Variants in FNIP2 observed in about 807,000 individuals in gnomAD.
FNIP2 encodes folliculin interacting protein 2.
In FNIP2, 32 loss-of-function variants were observed where a neutral mutation model predicts 108.7. That is an observed-to-expected ratio of 0.29 (90% CI 0.22 to 0.40). The LOEUF is 0.40. Ranked by LOEUF, FNIP2 falls within the 10% of genes least tolerant of loss-of-function variation. The pLI is 1.00. For synonymous variants in FNIP2, 480 were observed against 496.7 expected (o/e 0.97, Z 0.45); for missense variants, 1,202 against 1,381.6 (o/e 0.87, Z 2.06).
intron 7 of FNIP2, among the ~76,000 whole-genome samples, chr4:158,839,132 C>T (rs1292904613): frequency 2.0e-5 from 3 of 152,074 alleles, no homozygotes; most frequent in African/African-American, 7.2e-5. Context: ...TCCTCCTGTC[C>T]AGGCTGTGTA....
chr4:158,788,470 TTTTC>T, intron 1 of FNIP2, among the ~76,000 whole-genome samples: 1 of 152,376 alleles, frequency 6.6e-6, no homozygotes, highest in African/African-American at 2.4e-5. Flanking sequence ...TAACCTCCAC[TTTTC>T]TTTCTTTTTG....
At position 158,861,450 on chromosome 4, in the gene FNIP2, G is replaced by T; in HGVS notation, c.1257G>T (p.Lys419Asn). 1 of 1,614,010 alleles carries T rather than the reference G, an allele frequency of 6.2e-7. No individual in the cohort carries two copies. Among genetic ancestry groups the T allele is most frequent in the Non-Finnish European group, 8.5e-7 (1 of 1,179,896 alleles). Residue 419 changes from lysine (K) to asparagine (N), a missense_variant, in exon 11 of 17, where the codon AAG (lysine) becomes AAT (asparagine). Physicochemically the swap from Lys to Asn is moderately conservative, Grantham distance 94 (BLOSUM62 0). This residue lies in a region of FNIP2 where 878 missense variants were observed against 990.3 expected (regional missense o/e 0.89). Transcript: ENST00000264433. ...EKNQLCQRFL[K>N]EFTLLIEQIN... ...ACCAGCTCTGCCAGCGCTTTCTCAAGGAGTTTACACTTCTGATAGAACAGA... is the reference window on the plus strand; with the variant it reads ...ACCAGCTCTGCCAGCGCTTTCTCAATGAGTTTACACTTCTGATAGAACAGA...
chr4:158,769,877 A>C (rs960538943), intron 1 of FNIP2, among the ~76,000 whole-genome samples: 1 of 152,208 alleles, frequency 6.6e-6, no homozygotes, highest in Non-Finnish European at 1.5e-5. Context: ...ATGTGTGGAA[A>C]GGGGGAGTAA....
chr4:158,798,386 A>G (rs907572901), intron 1 of FNIP2, among the ~76,000 whole-genome samples: 4 of 152,154 alleles, frequency 2.6e-5, no homozygotes, highest in Non-Finnish European at 5.9e-5. Context: ...TTCTTAATCC[A>G]AGTCTTTACT....
intron 14 of FNIP2, among the ~76,000 whole-genome samples, chr4:158,886,727 T>G (rs1399219632): frequency 1.3e-5 from 2 of 152,216 alleles, no homozygotes; most frequent in African/African-American, 4.8e-5. Flanking sequence ...GTTTGTAAAG[T>G]TTCTCAAACA....
intron 1 of FNIP2, among the ~76,000 whole-genome samples, chr4:158,822,605 C>T (rs1053148548): frequency 1.3e-5 from 2 of 151,992 alleles, no homozygotes; most frequent in African/African-American, 4.8e-5. Context: ...TCAAGTGATC[C>T]TCCCACTTCA....
At chr4:158,775,137 T>C (rs1225183772) in intron 1 of FNIP2, among the ~76,000 whole-genome samples, 1 of 152,216 alleles carries the variant, frequency 6.6e-6, no homozygotes, top group African/African-American at 2.4e-5. Flanking sequence ...TGAAATACTT[T>C]GGCTGCCAGC....
chr4:158,881,960 A>C (rs1384921309), intron 14 of FNIP2, among the ~76,000 whole-genome samples: 2 of 150,432 alleles, frequency 1.3e-5, no homozygotes. Flanking sequence ...CAGTCTGGGA[A>C]GTGAGGAGCG....
At chr4:158,804,356 A>G (rs1776864580) in intron 1 of FNIP2, among the ~76,000 whole-genome samples, 1 of 152,130 alleles carries the variant, frequency 6.6e-6, no homozygotes, top group Non-Finnish European at 1.5e-5. Context: ...GTCAAGACCC[A>G]GACTAATATG....
chr4:158,883,503 A>C (rs1455951143), intron 14 of FNIP2, among the ~76,000 whole-genome samples: 3 of 152,140 alleles, frequency 2.0e-5, no homozygotes, highest in Non-Finnish European at 2.9e-5. Flanking sequence ...AGCCTCCCAA[A>C]AGCCTGGGAT....
chr4:158,805,886 T>G (rs935954145), intron 1 of FNIP2, among the ~76,000 whole-genome samples: 5 of 152,226 alleles, frequency 3.3e-5, no homozygotes, highest in Non-Finnish European at 4.4e-5. Context: ...TAAATGTCTT[T>G]TCTTTGCTAA....
At chr4:158,848,641 G>A (rs1432768653) in intron 7 of FNIP2, among the ~76,000 whole-genome samples, 1 of 152,084 alleles carries the variant, frequency 6.6e-6, no homozygotes, top group Non-Finnish European at 1.5e-5. Flanking sequence ...CAGCACCAGG[G>A]GCCAGTCCTG....
intron 1 of FNIP2, among the ~76,000 whole-genome samples, chr4:158,792,969 G>A (rs959733313): frequency 2.0e-5 from 3 of 152,120 alleles, no homozygotes; most frequent in African/African-American, 7.2e-5. Flanking sequence ...AGTTATCAAG[G>A]GACTGGAAGA....
chr4:158,907,268 T>TATCA lies in FNIP2; in HGVS notation c.*2729_*2732dup, dbSNP rs3830199. The TATCA allele has an allele frequency of 6.6e-5, 10 of 152,272 alleles. No homozygotes were observed. Among genetic ancestry groups the TATCA allele is most frequent in the Admixed American group, 1.3e-4 (2 of 15,292 alleles). 9.4% of individuals were successfully genotyped at this position (152,272 alleles called of 1,614,324 possible). A position where few individuals can be genotyped will look rare whatever the true frequency, so the allele number is the denominator to read the frequency against. ...CATAATTCCAAAGTATTTTATTTTT[T>TATCA]ATCAATCAGTGTTAAATAGCTTTTT... is the stretch of plus-strand genomic sequence containing the variant. On this transcript the variant is annotated 3_prime_UTR_variant, in exon 17 of 17. Coordinates refer to ENST00000264433, the MANE Select transcript of FNIP2 (RefSeq NM_020840.3).
At chr4:158,834,314 CTCTCTCTCTCTCTCT>C (rs1264646999) in intron 6 of FNIP2, 1 of 149,304 alleles carries the variant, frequency 6.7e-6, no homozygotes, top group African/African-American at 2.5e-5. Flanking sequence ...CTCTCTCTCT[CTCTCTCTCTCTCTCT>C]CCCTCTCTAA....
chr4:158,799,554 G>A (rs1365457227), intron 1 of FNIP2, among the ~76,000 whole-genome samples: 1 of 152,176 alleles, frequency 6.6e-6, no homozygotes. Context: ...GAGAATGAGA[G>A]ATCTGTGAAT....
At chr4:158,807,106 C>T (rs984106423) in intron 1 of FNIP2, among the ~76,000 whole-genome samples, 3 of 151,972 alleles carry the variant, frequency 2.0e-5, no homozygotes, top group African/African-American at 7.3e-5. Flanking sequence ...TCAATAAAAA[C>T]AAAAAACTGT....
At chr4:158,881,614 C>T (rs910058531) in intron 14 of FNIP2, among the ~76,000 whole-genome samples, 1 of 152,232 alleles carries the variant, frequency 6.6e-6, no homozygotes, top group African/African-American at 2.4e-5. Flanking sequence ...CCACGCCTGA[C>T]TGGTTTTCGT....
chr4:158,803,574 T>G (rs1776834105), intron 1 of FNIP2, among the ~76,000 whole-genome samples: 1 of 152,224 alleles, frequency 6.6e-6, no homozygotes, highest in Non-Finnish European at 1.5e-5. Context: ...CATAAGGAAA[T>G]TTGAAGTCAT....
Sources: gnomAD v4.1 joint callset for allele counts (sites outside exome capture counted in the v4.1 genomes callset) on GRCh38, gnomAD v4.1.1 for gene constraint, gnomAD v4.1.1 regional missense constraint, MANE v1.5 for transcripts, NCBI Gene and HGNC (gene_info 2026-07-23, HGNC 2026-07-21) for gene names.